The following PHACTR1 variants were observed in gnomAD, a reference collection of about 807,000 sequenced individuals.
PHACTR1 encodes the protein RPEL repeat containing 1.
A neutral mutation model predicts 69.2 loss-of-function variants in PHACTR1; 16 were observed. The observed-to-expected ratio is 0.23, with a 90% confidence interval of 0.16 to 0.35. The LOEUF is 0.35. Ranked by LOEUF, PHACTR1 falls within the 10% of genes least tolerant of loss-of-function variation. The probability of loss-of-function intolerance (pLI) is 1.00; values close to 1 mark genes in which losing one functional copy is unlikely to be tolerated. For synonymous variants in PHACTR1, 312 were observed against 284.5 expected, an observed-to-expected ratio of 1.10 and a Z score of -0.97; for missense variants, 510 against 734.7, an observed-to-expected ratio of 0.69 and a Z score of 3.54.
At chr6:12,874,983 A>G (rs1388500358) in intron 4 of PHACTR1, among the ~76,000 whole-genome samples, 3 of 152,226 alleles carry the variant, frequency 2.0e-5, no homozygotes, top group African/African-American at 4.8e-5. Flanking sequence ...ATCATCTGGT[A>G]TTCAAATGTG....
chr6:13,281,410 C>T (rs1280533717), intron 12 of PHACTR1: 4 of 303,088 alleles, frequency 1.3e-5, no homozygotes, highest in Non-Finnish European at 2.0e-5. Flanking sequence ...AAAAATTAGC[C>T]GGACAAGGTG....
intron 4 of PHACTR1, among the ~76,000 whole-genome samples, chr6:12,873,468 G>A (rs1782256222): frequency 6.6e-6 from 1 of 152,012 alleles, no homozygotes; most frequent in Admixed American, 6.6e-5. Context: ...TAGTGGGAGA[G>A]AACGATATAA....
At chr6:12,894,474 A>G (rs1278706076) in intron 4 of PHACTR1, among the ~76,000 whole-genome samples, 1 of 152,176 alleles carries the variant, frequency 6.6e-6, no homozygotes, top group African/African-American at 2.4e-5. Context: ...GTGTGGTGGC[A>G]CACGCCTATA....
intron 12 of PHACTR1, chr6:13,281,273 G>T: frequency 4.0e-6 from 2 of 501,876 alleles, no homozygotes; most frequent in Non-Finnish European, 6.4e-6. Context: ...AACCCTTTGG[G>T]CCGGGCTCGG....
intron 4 of PHACTR1, among the ~76,000 whole-genome samples, chr6:12,753,342 G>A (rs1766852313): frequency 6.6e-6 from 1 of 152,178 alleles, no homozygotes; most frequent in Non-Finnish European, 1.5e-5. Flanking sequence ...TAGATTGACA[G>A]TATATGGAGG....
At chr6:12,888,059 T>G in intron 4 of PHACTR1, among the ~76,000 whole-genome samples, 2 of 103,970 alleles carry the variant, frequency 1.9e-5, no homozygotes, top group Non-Finnish European at 1.8e-5. Flanking sequence ...GGCAACAGAG[T>G]GAGACTCCAT....
intron 5 of PHACTR1, among the ~76,000 whole-genome samples, chr6:13,068,181 G>A (rs975594644): frequency 3.9e-5 from 6 of 152,152 alleles, no homozygotes; most frequent in African/African-American, 1.4e-4. Flanking sequence ...GCTGAGCATA[G>A]TGGCGTGCGC....
intron 8 of PHACTR1, among the ~76,000 whole-genome samples, chr6:13,208,825 C>T (rs754096184): frequency 4.0e-5 from 6 of 151,862 alleles, no homozygotes; most frequent in African/African-American, 9.7e-5. Context: ...TGGGTATTTG[C>T]GGGATATTTC....
chr6:12,777,625 C>CTTTTTTTTTTTTTTT (rs869096915), intron 4 of PHACTR1, among the ~76,000 whole-genome samples: 1 of 99,014 alleles, frequency 1.0e-5, no homozygotes, highest in Non-Finnish European at 1.9e-5. Flanking sequence ...CTTTCTTCTT[C>CTTTTTTTTTTTTTTT]TTTTTTTTTT....
chr6:13,223,347 C>T (rs1380093792), intron 8 of PHACTR1, among the ~76,000 whole-genome samples: 2 of 152,184 alleles, frequency 1.3e-5, no homozygotes, highest in Non-Finnish European at 2.9e-5. Context: ...AACTACTCCA[C>T]TCTTCTATTT....
In PHACTR1 at chr6:13,053,417, C is replaced by A. The variant is rs1280419680; in HGVS notation, c.303C>A (p.Gly101=). Residue 101 remains glycine, a synonymous_variant, in exon 5 of 15, where the codon GGC becomes GGA. Coordinates refer to ENST00000332995, the MANE Select transcript of PHACTR1 (RefSeq NM_030948.6). The part of the protein sequence containing the change: ...AAMRSDSLVP[G]THTPPIRRRS... ...TGCGTTCTGACTCCCTCGTCCCAGG[C>A]ACCCACACCCCACCCATCCGCAGGA... 6.2e-7 allele frequency: 1 copy of A among 1,613,430 alleles called. No individual in the cohort carries two copies. The highest frequency in any genetic ancestry group is 1.3e-5 in the African/African-American group (1 of 74,912).
At chr6:12,921,004 G>C (rs867377601) in intron 4 of PHACTR1, among the ~76,000 whole-genome samples, 19 of 152,224 alleles carry the variant, frequency 1.2e-4, no homozygotes, top group Non-Finnish European at 2.4e-4. Context: ...GATACATGAA[G>C]TTTAGACAAA....
chr6:12,810,770 A>G (rs923420784), intron 4 of PHACTR1, among the ~76,000 whole-genome samples: 1 of 151,926 alleles, frequency 6.6e-6, no homozygotes, highest in African/African-American at 2.4e-5. Context: ...CCATGTGTCT[A>G]TCTCCTTTCT....
intron 4 of PHACTR1, among the ~76,000 whole-genome samples, chr6:13,012,724 CT>C (rs1226579232): frequency 6.6e-6 from 1 of 152,226 alleles, no homozygotes; most frequent in African/African-American, 2.4e-5. Context: ...TGATATAGGG[CT>C]TCTCTAAGCC....
At chr6:12,925,873 C>T (rs527400533) in intron 4 of PHACTR1, among the ~76,000 whole-genome samples, 14 of 152,320 alleles carry the variant, frequency 9.2e-5, no homozygotes, top group African/African-American at 2.9e-4. Flanking sequence ...TTTCAGGGGC[C>T]TGTCTCTCGT....
intron 7 of PHACTR1, among the ~76,000 whole-genome samples, chr6:13,193,491 A>G (rs985175456): frequency 6.7e-6 from 1 of 149,862 alleles, no homozygotes; most frequent in Admixed American, 6.7e-5. Context: ...GGCTCAAATG[A>G]TCATCCCACC....
intron 4 of PHACTR1, among the ~76,000 whole-genome samples, chr6:12,882,571 G>A (rs1461239788): frequency 6.6e-6 from 1 of 152,188 alleles, no homozygotes; most frequent in Non-Finnish European, 1.5e-5. Flanking sequence ...CAAAATAAGA[G>A]CATCTGAGGC....
rs151123830 is a variant in PHACTR1 at position 12,881,252 on chromosome 6, G to A, written c.250+131462G>A. Among the ~76,000 whole-genome samples the A allele has an allele frequency of 2.2e-3, 339 of 152,294 alleles. 2 individuals carry two copies. The highest frequency in any genetic ancestry group is 0.012 in the South Asian group (56 of 4,832). On this transcript the variant is annotated intron_variant, in intron 4 of 14. Transcript: ENST00000332995. ...CATGGTGAATATTAAGGAAGAGGGC[G>A]ATGCTGTATGCTGAGTGACTCTCAA...
intron 5 of PHACTR1, among the ~76,000 whole-genome samples, chr6:13,099,300 C>T (rs1457323730): frequency 6.6e-6 from 1 of 152,218 alleles, no homozygotes; most frequent in Admixed American, 6.5e-5. Flanking sequence ...GATGATCTAA[C>T]GTTTGTCACC....
Sources: gnomAD v4.1 joint callset for allele counts (sites outside exome capture counted in the v4.1 genomes callset) on GRCh38, gnomAD v4.1.1 for gene constraint, MANE v1.5 for transcripts, NCBI Gene and HGNC (gene_info 2026-07-23, HGNC 2026-07-21) for gene names.